Variants in PARVB observed in about 807,000 individuals in gnomAD.
The protein encoded by PARVB is parvin beta, also known as beta-parvin.
Under a neutral mutation model 47.0 loss-of-function variants are expected in PARVB, and 46 were observed. That is an observed-to-expected ratio of 0.98 (90% CI 0.77 to 1.25). The LOEUF is 1.25. Ranked by LOEUF, PARVB falls within the 50% of genes most tolerant of loss-of-function variation. PARVB has a pLI of 0.00. For synonymous variants in PARVB, 196 were observed against 196.3 expected, an observed-to-expected ratio of 1.00 and a Z score of 0.01; for missense variants, 473 against 471.6, an observed-to-expected ratio of 1.00 and a Z score of -0.03.
At chr22:44,072,034 G>A (rs1474622145) in intron 1 of PARVB, among the ~76,000 whole-genome samples, 4 of 152,190 alleles carry the variant, frequency 2.6e-5, no homozygotes, top group Admixed American at 2.0e-4. Context: ...CCATGAAAAC[G>A]TTTGAAGGTT....
intron 1 of PARVB, among the ~76,000 whole-genome samples, chr22:44,056,017 G>C (rs1236298333): frequency 1.3e-5 from 2 of 152,226 alleles, no homozygotes; most frequent in Admixed American, 1.3e-4. Context: ...ACCCAGTCCA[G>C]GCAGCTAGTC....
At chr22:44,119,401 C>T (rs994678582) in intron 4 of PARVB, among the ~76,000 whole-genome samples, 45 of 152,324 alleles carry the variant, frequency 3.0e-4, no homozygotes, top group African/African-American at 9.9e-4. Context: ...CGGCTCCCAT[C>T]CTGTTGGGTC....
intron 10 of PARVB, among the ~76,000 whole-genome samples, chr22:44,157,156 G>A (rs1398011661): frequency 6.6e-6 from 1 of 152,224 alleles, no homozygotes; most frequent in East Asian, 1.9e-4. Flanking sequence ...CCTGGAGAAT[G>A]GGGCCACAGT....
At chr22:44,020,366 G>T (rs1392755607), upstream of PARVB, among the ~76,000 whole-genome samples, 2 of 152,006 alleles carry the variant, frequency 1.3e-5, no homozygotes, top group African/African-American at 2.4e-5. Context: ...TACAGAGGGG[G>T]TCTTGCCATA....
At chr22:44,053,296 A>C (rs886698761) in intron 1 of PARVB, among the ~76,000 whole-genome samples, 15 of 151,946 alleles carry the variant, frequency 9.9e-5, no homozygotes, top group Admixed American at 5.9e-4. Context: ...GTTGGCCAGG[A>C]TGGTCTCGAA....
Position 44,125,670 on chromosome 22 carries a change from G to A in PARVB, c.377-5817G>A, listed in dbSNP as rs1406226841. Among the ~76,000 whole-genome samples, 4 of 152,180 alleles carry A rather than the reference G, an allele frequency of 2.6e-5. 1 individual carries two copies. In the East Asian group the frequency reaches 7.7e-4, roughly 29 times the overall value. On this transcript the variant is annotated intron_variant, in intron 4 of 12. Transcript: ENST00000338758. The surrounding 1 kb of genome is among the most constrained non-coding windows in gnomAD (Gnocchi z 4.1). Reference sequence around the variant, plus strand: ...AGAGGGAGGGAGAGAGCCAAGAGATGAGGCTGGGGCCAGATCTCATTCAGC... The same window carrying A: ...AGAGGGAGGGAGAGAGCCAAGAGATAAGGCTGGGGCCAGATCTCATTCAGC...
intron 10 of PARVB, chr22:44,153,128 C>G (rs2053845993): frequency 6.6e-6 from 1 of 152,122 alleles, no homozygotes; most frequent in Non-Finnish European, 1.5e-5. Context: ...CAACACATTT[C>G]TTATTTTCCG....
intron 2 of PARVB, among the ~76,000 whole-genome samples, chr22:44,000,277 A>G (rs1287559077): frequency 6.6e-6 from 1 of 152,226 alleles, no homozygotes; most frequent in Non-Finnish European, 1.5e-5. Context: ...ATTATGTACA[A>G]GGAGTTGAAC....
intron 1 of PARVB, among the ~76,000 whole-genome samples, chr22:44,043,307 A>G (rs945677197): frequency 2.6e-5 from 4 of 152,186 alleles, no homozygotes; most frequent in African/African-American, 9.7e-5. Context: ...AAATGTTCTT[A>G]CATTGACAAT....
At position 44,165,018 on chromosome 22, in the gene PARVB, G is replaced by A. The variant is rs1040286099; in HGVS notation, c.1018+1088G>A. Among the ~76,000 whole-genome samples, 4 of 152,104 alleles carry A rather than the reference G, an allele frequency of 2.6e-5. No individual in the cohort carries two copies. The East Asian group carries it at 7.8e-4, about 29-fold the overall frequency. ...TTTATTCTTTTTTGTTTTGAGACAGGGTCTCACTCTGTTGCCCAGGCTGGA... is the reference window on the plus strand; with the variant it reads ...TTTATTCTTTTTTGTTTTGAGACAGAGTCTCACTCTGTTGCCCAGGCTGGA... On this transcript the variant is annotated intron_variant, in intron 12 of 12. Coordinates refer to ENST00000338758, the MANE Select transcript of PARVB (RefSeq NM_013327.5).
At chr22:44,024,229 G>T, upstream of PARVB, 1 of 404,496 alleles carries the variant, frequency 2.5e-6, no homozygotes, top group South Asian at 9.8e-5. Flanking sequence ...GCCAGGGGCG[G>T]GGGCGGGACC....
chr22:44,121,912 C>T (rs952367880), intron 4 of PARVB, among the ~76,000 whole-genome samples: 4 of 152,126 alleles, frequency 2.6e-5, no homozygotes, highest in Non-Finnish European at 4.4e-5. Flanking sequence ...AATACCAATA[C>T]CTCTATCAAC....
intron 1 of PARVB, chr22:44,026,301 T>C: frequency 1.0e-6 from 1 of 985,252 alleles, no homozygotes; most frequent in Non-Finnish European, 1.2e-6. Context: ...GGAAGCATCC[T>C]GTGCTGAATA....
rs117912616 is a variant in PARVB, at chr22:44,162,138, G to A, written c.946-1720G>A. 1.6e-4 allele frequency among the ~76,000 whole-genome samples: 24 copies of A among 152,346 alleles called. No homozygotes were observed. The East Asian group carries it at 4.6e-3, about 29-fold the overall frequency. On this transcript the variant is annotated intron_variant, in intron 11 of 12. Transcript: ENST00000338758. ...TTGCTTCTCCGAGCACAGGCCGTGT[G>A]CACTGTGGAAGCTTTTCCAAAGCAC...
At chr22:44,013,365 C>A (rs2050543426) in intron 2 of PARVB, among the ~76,000 whole-genome samples, 1 of 152,202 alleles carries the variant, frequency 6.6e-6, no homozygotes. Flanking sequence ...GGGAAATGCA[C>A]ACGTTTCAGT....
intron 8 of PARVB, chr22:44,145,752 C>T (rs955272539): frequency 2.6e-5 from 4 of 152,328 alleles, no homozygotes; most frequent in African/African-American, 7.2e-5. Flanking sequence ...TCTGCGGCCC[C>T]GATGTCTCCT....
intron 1 of PARVB, among the ~76,000 whole-genome samples, chr22:44,059,135 T>G (rs1267765770): frequency 6.7e-6 from 1 of 149,090 alleles, no homozygotes; most frequent in African/African-American, 2.5e-5. Flanking sequence ...AACCTCTGCT[T>G]CTCACATTTA....
chr22:44,024,442 G>A lies in PARVB; in HGVS notation c.103G>A (p.Ala35Thr). 2 of 1,190,974 alleles carry A rather than the reference G, an allele frequency of 1.7e-6. No homozygotes were observed. Among genetic ancestry groups the A allele is most frequent in the Non-Finnish European group, 2.1e-6 (2 of 956,114 alleles). 73.8% of individuals were successfully genotyped at this position (1,190,974 alleles called of 1,614,324 possible). A position where few individuals can be genotyped will look rare whatever the true frequency, so the allele number is the denominator to read the frequency against. The change falls in exon 1 of 13, where the codon GCG becomes ACG. Residue 35 changes from alanine to threonine, a missense_variant. By Grantham distance (58) the Ala-to-Thr change is moderately conservative. Coordinates refer to ENST00000338758, the MANE Select transcript of PARVB (RefSeq NM_013327.5). Reference sequence around the variant, plus strand: ...CGGCACCCTGGCCAGGAAGCGGAGGGCGCGCGAGGGTGAGTGCGCGCCCGC... The same window carrying A: ...CGGCACCCTGGCCAGGAAGCGGAGGACGCGCGAGGGTGAGTGCGCGCCCGC... ...LGGTLARKRR[A>T]REVSDLQEEG...
chr22:44,073,055 C>T (rs527288673), intron 1 of PARVB, among the ~76,000 whole-genome samples: 13 of 152,282 alleles, frequency 8.5e-5, no homozygotes, highest in East Asian at 3.9e-4. Flanking sequence ...CCCAGTGCCC[C>T]GTGCCAGGCC....
Sources: allele counts gnomAD v4.1 joint callset (sites outside exome capture counted in the v4.1 genomes callset), GRCh38; gene constraint gnomAD v4.1.1; non-coding constraint Gnocchi (gnomAD v3.1); transcripts MANE v1.5; gene names NCBI Gene and HGNC (gene_info 2026-07-23, HGNC 2026-07-21).